DCC: variants seen among roughly 807,000 people sequenced by gnomAD.
DCC encodes DCC netrin 1 receptor, also known as netrin receptor DCC.
Under a neutral mutation model 172.5 loss-of-function variants are expected in DCC, and 58 were observed. The ratio of observed to expected loss-of-function variants is 0.34; its 90% CI spans 0.27 to 0.42. DCC has a LOEUF of 0.42. DCC is among the 10% of genes least tolerant of loss of function. The probability of loss-of-function intolerance (pLI) is 1.00; values close to 1 mark genes in which losing one functional copy is unlikely to be tolerated. For synonymous variants in DCC, 709 were observed against 644.5 expected (o/e 1.10, Z -1.52); for missense variants, 1,740 against 1,791.0 (o/e 0.97, Z 0.51).
intron 1 of DCC, among the ~76,000 whole-genome samples, chr18:52,418,238 T>A (rs1987114826): frequency 6.6e-6 from 1 of 152,204 alleles, no homozygotes; most frequent in Admixed American, 6.5e-5. Context: ...CCATTAGTTT[T>A]TTAATAAATC....
At chr18:53,445,475 C>A (rs1415667531) in intron 22 of DCC, among the ~76,000 whole-genome samples, 3 of 152,120 alleles carry the variant, frequency 2.0e-5, no homozygotes, top group Non-Finnish European at 4.4e-5. Context: ...AGCCATTGTG[C>A]CAAGGGGACC....
chr18:52,755,836 G>A (rs2037068723), intron 2 of DCC, among the ~76,000 whole-genome samples: 1 of 152,130 alleles, frequency 6.6e-6, no homozygotes, highest in South Asian at 2.1e-4. Flanking sequence ...AAGAAGTGTA[G>A]CAAATGAAAT....
At chr18:53,239,441 C>T (rs986462540) in intron 12 of DCC, among the ~76,000 whole-genome samples, 1 of 152,008 alleles carries the variant, frequency 6.6e-6, no homozygotes, top group African/African-American at 2.4e-5. Flanking sequence ...ATTCTCTGCT[C>T]TAAGCTCTTT....
intron 2 of DCC, among the ~76,000 whole-genome samples, chr18:52,883,344 TTATTTATG>T (rs1325435131): frequency 3.6e-5 from 2 of 55,420 alleles, no homozygotes; most frequent in Non-Finnish European, 1.0e-4. Flanking sequence ...ATTTATTTAT[TTATTTATG>T]TGTGTGTGTG....
At chr18:53,049,706 GT>G (rs919602300) in intron 5 of DCC, among the ~76,000 whole-genome samples, 4 of 151,192 alleles carry the variant, frequency 2.6e-5, no homozygotes, top group South Asian at 2.1e-4. Context: ...TTTTAAAATA[GT>G]TTTTTTTTCT....
chr18:53,471,355 T>C (rs147095799), intron 25 of DCC, among the ~76,000 whole-genome samples: 78 of 152,368 alleles, frequency 5.1e-4, no homozygotes, highest in African/African-American at 1.8e-3. Context: ...TAAGTTATTA[T>C]TGACTACAGT....
Position 52,544,961 on chromosome 18 carries a change from G to A in DCC, c.91+204083G>A, listed in dbSNP as rs555021793. On this transcript the variant is annotated intron_variant, in intron 1 of 28. Transcript: ENST00000442544. ...GTATTATGCCTTTGCAATTGCCACT[G>A]CAGCTCAGCTTGGAGATGGAACAAT... Among the ~76,000 whole-genome samples, 4 of 152,308 alleles carry A rather than the reference G, an allele frequency of 2.6e-5. No individual in the cohort carries two copies. In the South Asian group the frequency reaches 8.3e-4, roughly 32 times the overall value.
At position 53,207,154 on chromosome 18, in the gene DCC, C is replaced by A. The variant is rs558742579; in HGVS notation, c.1723-525C>A. Among the ~76,000 whole-genome samples the A allele has an allele frequency of 2.6e-5, 4 of 152,184 alleles. No individual in the cohort carries two copies. In the East Asian group the frequency reaches 5.8e-4, roughly 22 times the overall value. On this transcript the variant is annotated intron_variant, in intron 10 of 28. Transcript: ENST00000442544. ...GTGTGAAGATCTGATTCCTCAGTAA[C>A]CTTCACCTCCAGTATCTCATTTACT... is the stretch of plus-strand genomic sequence containing the variant.
intron 1 of DCC, among the ~76,000 whole-genome samples, chr18:52,634,858 T>A (rs1022177843): frequency 6.6e-6 from 1 of 152,174 alleles, no homozygotes; most frequent in African/African-American, 2.4e-5. Context: ...TCTTCTTAAA[T>A]CCCTAGTATA....
At chr18:53,106,992 G>A (rs1229194476) in intron 7 of DCC, among the ~76,000 whole-genome samples, 3 of 151,836 alleles carry the variant, frequency 2.0e-5, no homozygotes. Context: ...TTAAGACATA[G>A]GGACATCAGG....
At chr18:52,861,011 C>CAA (rs74178687) in intron 2 of DCC, among the ~76,000 whole-genome samples, 39,467 of 120,416 alleles carry the variant, frequency 0.33, 7,287 homozygotes, top group Non-Finnish European at 0.47. Context: ...GAATCCATTT[C>CAA]AAAAAAAAAA....
At chr18:52,845,959 A>G (rs1167591629) in intron 2 of DCC, among the ~76,000 whole-genome samples, 1 of 152,216 alleles carries the variant, frequency 6.6e-6, no homozygotes, top group African/African-American at 2.4e-5. Context: ...TACTGTGTAC[A>G]TGGAGCTTCA....
intron 5 of DCC, among the ~76,000 whole-genome samples, chr18:53,033,916 C>T (rs547962067): frequency 5.9e-5 from 9 of 152,078 alleles, no homozygotes; most frequent in East Asian, 3.9e-4. Flanking sequence ...TACTTATTAG[C>T]GATATTTGGC....
intron 1 of DCC, among the ~76,000 whole-genome samples, chr18:52,617,861 A>G (rs11877399): frequency 0.017 from 2,657 of 152,260 alleles, 86 homozygotes; most frequent in African/African-American, 0.061. Context: ...ATAGGATTTA[A>G]TGGACTTCAT....
intron 1 of DCC, among the ~76,000 whole-genome samples, chr18:52,371,705 GA>G (rs1872405528): frequency 1.3e-5 from 2 of 152,170 alleles, no homozygotes; most frequent in South Asian, 2.1e-4. Flanking sequence ...TGAAAAAATA[GA>G]ATTGGTTTGG....
chr18:52,956,696 C>T lies in DCC; in HGVS notation c.985+31326C>T, dbSNP rs1598968617. Among the ~76,000 whole-genome samples, 3 of 152,188 alleles carry T rather than the reference C, an allele frequency of 2.0e-5. No individual in the cohort carries two copies. The South Asian group carries it at 6.2e-4, about 32-fold the overall frequency. Reference sequence around the variant, plus strand: ...TATAGATCAAGTTGGGGAGAAATTACGTCTTCACACAATCAGTCATATCAA... The same window carrying T: ...TATAGATCAAGTTGGGGAGAAATTATGTCTTCACACAATCAGTCATATCAA... On this transcript the variant is annotated intron_variant, in intron 5 of 28. Transcript: ENST00000442544.
At chr18:52,651,848 CAGA>C (rs541265194) in intron 1 of DCC, among the ~76,000 whole-genome samples, 144 of 152,150 alleles carry the variant, frequency 9.5e-4, no homozygotes, top group African/African-American at 3.2e-3. Context: ...TTACACAGGG[CAGA>C]AGGACTGATA....
chr18:53,013,946 C>T (rs1236913303), intron 5 of DCC, among the ~76,000 whole-genome samples: 5 of 152,160 alleles, frequency 3.3e-5, no homozygotes, highest in Non-Finnish European at 7.4e-5. Context: ...GATACTTATA[C>T]ATGGTGAAGA....
intron 5 of DCC, among the ~76,000 whole-genome samples, chr18:53,025,418 T>A (rs1162982631): frequency 6.6e-6 from 1 of 152,132 alleles, no homozygotes; most frequent in African/African-American, 2.4e-5. Flanking sequence ...AACAGGATTG[T>A]TTGCCTTAGG....
Sources: gnomAD v4.1 joint callset for allele counts (sites outside exome capture counted in the v4.1 genomes callset) on GRCh38, gnomAD v4.1.1 for gene constraint, MANE v1.5 for transcripts, NCBI Gene and HGNC (gene_info 2026-07-23, HGNC 2026-07-21) for gene names.